AGMO: variants seen among roughly 807,000 people sequenced by gnomAD.
The protein encoded by AGMO is alkylglycerol monooxygenase.
In AGMO, 75 loss-of-function variants were observed where a neutral mutation model predicts 60.2. The ratio of observed to expected loss-of-function variants is 1.25; its 90% CI spans 1.03 to 1.51. AGMO has a LOEUF of 1.51. Ranked by LOEUF, AGMO falls within the 40% of genes most tolerant of loss-of-function variation. The pLI, the probability that AGMO is intolerant of heterozygous loss-of-function variation, is 0.00. For missense variants in AGMO, 763 were observed against 525.5 expected (o/e 1.45, Z -4.42); for synonymous variants, 261 against 177.1 (o/e 1.47, Z -3.76).
intron 3 of AGMO, among the ~76,000 whole-genome samples, chr7:15,462,159 A>G (rs1782159534): frequency 6.6e-6 from 1 of 152,046 alleles, no homozygotes; most frequent in African/African-American, 2.4e-5. Context: ...TAAATAAGAC[A>G]AGTTTCGGAG....
intron 6 of AGMO, 129 bp downstream of exon 6, chr7:15,393,984 G>A (rs1562483722): frequency 1.1e-4 from 44 of 394,302 alleles, no homozygotes; most frequent in South Asian, 9.7e-4. Flanking sequence ...TAGAAAAGAA[G>A]AAACTATTAT....
At chr7:15,547,683 T>A (rs942006532) in intron 2 of AGMO, among the ~76,000 whole-genome samples, 1 of 151,960 alleles carries the variant, frequency 6.6e-6, no homozygotes, top group Non-Finnish European at 1.5e-5. Flanking sequence ...GGAGTCTCGC[T>A]GATTGCTAGC....
intron 12 of AGMO, among the ~76,000 whole-genome samples, chr7:15,217,417 T>C (rs1781773937): frequency 6.6e-6 from 1 of 151,912 alleles, no homozygotes; most frequent in South Asian, 2.1e-4. Flanking sequence ...AAAGACATCT[T>C]GAGAGAGACT....
intron 12 of AGMO, among the ~76,000 whole-genome samples, chr7:15,248,201 T>TAC (rs1782815308): frequency 3.3e-5 from 3 of 92,288 alleles, no homozygotes; most frequent in Non-Finnish European, 6.8e-5. Context: ...TATATATATA[T>TAC]ATATATATAT....
chr7:15,556,536 G>A (rs1785145799), intron 2 of AGMO, among the ~76,000 whole-genome samples: 2 of 151,980 alleles, frequency 1.3e-5, no homozygotes, highest in South Asian at 4.1e-4. Context: ...CTTCTCTGGG[G>A]AGGATGCAAT....
At chr7:15,220,605 A>AC (rs1480674777) in intron 12 of AGMO, among the ~76,000 whole-genome samples, 3 of 151,936 alleles carry the variant, frequency 2.0e-5, no homozygotes, top group Non-Finnish European at 4.4e-5. Flanking sequence ...CATGTTAAGG[A>AC]CACAGTGATA....
chr7:15,175,401 A>G, the AGMO span, among the ~76,000 whole-genome samples: 1 of 152,086 alleles, frequency 6.6e-6, no homozygotes, highest in African/African-American at 2.4e-5. Flanking sequence ...TTTAACACAC[A>G]CTAGTTATGA....
At chr7:15,224,192 A>G (rs545654630) in intron 12 of AGMO, among the ~76,000 whole-genome samples, 1 of 152,006 alleles carries the variant, frequency 6.6e-6, no homozygotes, top group East Asian at 1.9e-4. Context: ...AAAAAAAAAT[A>G]CGATTCACAG....
Position 15,203,687 on chromosome 7 carries a change from A to C in AGMO, c.1264-2328T>G, listed in dbSNP as rs1040122960. On this transcript the variant is annotated intron_variant, in intron 12 of 12. Transcript: ENST00000342526. The stretch of plus-strand genomic sequence containing the variant: ...GATTATGTCATCTAATTCTCATGAC[A>C]AACTTTGGTGTACTGGTATCCAATT... 7.8e-4 allele frequency among the ~76,000 whole-genome samples: 118 copies of C among 152,210 alleles called. 1 individual carries two copies. The highest frequency in any genetic ancestry group is 3.9e-4 in the East Asian group (2 of 5,178).
chr7:15,356,106 A>G (rs1782521043), intron 12 of AGMO, among the ~76,000 whole-genome samples: 1 of 152,218 alleles, frequency 6.6e-6, no homozygotes, highest in Non-Finnish European at 1.5e-5. Context: ...GTCCACTGAT[A>G]GAAGGACATT....
At chr7:15,476,507 G>A (rs1016759608) in intron 3 of AGMO, among the ~76,000 whole-genome samples, 2 of 152,082 alleles carry the variant, frequency 1.3e-5, no homozygotes, top group African/African-American at 4.8e-5. Flanking sequence ...ATGGCACGAA[G>A]TAAGTTATTA....
downstream of AGMO, among the ~76,000 whole-genome samples, chr7:15,198,681 G>A (rs367848941): frequency 6.6e-6 from 1 of 152,202 alleles, no homozygotes; most frequent in African/African-American, 2.4e-5. Flanking sequence ...AATGGAGAGT[G>A]CTCACTGATC....
intron 3 of AGMO, among the ~76,000 whole-genome samples, chr7:15,447,109 T>C (rs1319495921): frequency 1.3e-5 from 2 of 152,178 alleles, no homozygotes; most frequent in East Asian, 3.9e-4. Flanking sequence ...CTCTTTTAAG[T>C]TCCAGACATT....
chr7:15,528,136 A>G (rs760331275), intron 3 of AGMO, among the ~76,000 whole-genome samples: 8 of 152,122 alleles, frequency 5.3e-5, no homozygotes, highest in Admixed American at 6.6e-5. Context: ...ATTGCCATAG[A>G]TAGTGATTCA....
the AGMO span, among the ~76,000 whole-genome samples, chr7:15,124,219 C>T: frequency 6.6e-6 from 1 of 151,960 alleles, no homozygotes; most frequent in Admixed American, 6.6e-5. Context: ...AACCTGTTAA[C>T]AGAATTACTC....
the AGMO span, among the ~76,000 whole-genome samples, chr7:15,167,423 A>T: frequency 6.6e-6 from 1 of 152,230 alleles, no homozygotes; most frequent in Non-Finnish European, 1.5e-5. Context: ...ATAAGTAGGC[A>T]CATCACAAGT....
At chr7:15,305,722 A>G (rs1206493089) in intron 12 of AGMO, among the ~76,000 whole-genome samples, 1 of 151,976 alleles carries the variant, frequency 6.6e-6, no homozygotes, top group South Asian at 2.1e-4. Context: ...TACTATAGTT[A>G]TATAAGCAAC....
intron 12 of AGMO, among the ~76,000 whole-genome samples, chr7:15,361,149 A>G (rs1782735570): frequency 6.6e-6 from 1 of 152,088 alleles, no homozygotes; most frequent in Non-Finnish European, 1.5e-5. Flanking sequence ...TGGGCTGCTC[A>G]CTGTCACTGT....
chr7:15,460,606 T>C (rs1782119559), intron 3 of AGMO, among the ~76,000 whole-genome samples: 1 of 152,066 alleles, frequency 6.6e-6, no homozygotes, highest in Non-Finnish European at 1.5e-5. Flanking sequence ...TAATAAGATA[T>C]TAATGAGATA....
Sources: allele counts gnomAD v4.1 joint callset (sites outside exome capture counted in the v4.1 genomes callset), GRCh38; gene constraint gnomAD v4.1.1; transcripts MANE v1.5; gene names NCBI Gene and HGNC (gene_info 2026-07-23, HGNC 2026-07-21).